COL4A2: variants seen among roughly 807,000 people sequenced by gnomAD.
COL4A2 encodes collagen type IV alpha 2 chain.
COL4A2 carries 99 observed loss-of-function variants against 200.2 expected under a neutral mutation model. The ratio of observed to expected loss-of-function variants is 0.49; its 90% CI spans 0.42 to 0.58. COL4A2 has a LOEUF of 0.58. COL4A2 is among the 20% of genes least tolerant of loss of function. COL4A2 has a pLI of 0.00. For missense variants in COL4A2, 1,950 were observed against 2,314.1 expected (o/e 0.84, Z 3.23); for synonymous variants, 897 against 900.6 (o/e 1.00, Z 0.07).
intron 3 of COL4A2, among the ~76,000 whole-genome samples, chr13:110,355,966 G>A (rs1877246219): frequency 6.6e-6 from 1 of 152,122 alleles, no homozygotes; most frequent in Non-Finnish European, 1.5e-5. Flanking sequence ...CCTGTCAGGG[G>A]AGAGGAGGCC....
At chr13:110,312,298 C>T (rs571903742) in intron 3 of COL4A2, among the ~76,000 whole-genome samples, 6 of 152,086 alleles carry the variant, frequency 3.9e-5, no homozygotes, top group African/African-American at 1.2e-4. Flanking sequence ...AAGGGTAAAC[C>T]GAAAAGCGCA....
intron 20 of COL4A2, among the ~76,000 whole-genome samples, chr13:110,451,998 T>A (rs1460890034): frequency 6.6e-6 from 1 of 152,246 alleles, no homozygotes; most frequent in Non-Finnish European, 1.5e-5. Flanking sequence ...TCCAAAGTAG[T>A]TTACTTTAAA....
intron 4 of COL4A2, among the ~76,000 whole-genome samples, chr13:110,365,148 T>C (rs1217579187): frequency 1.3e-5 from 2 of 149,230 alleles, no homozygotes; most frequent in Non-Finnish European, 3.0e-5. Flanking sequence ...TCTCTCTTGC[T>C]TTTTTTTTTC....
At chr13:110,460,001 G>A (rs1881960666) in intron 22 of COL4A2, among the ~76,000 whole-genome samples, 1 of 152,194 alleles carries the variant, frequency 6.6e-6, no homozygotes, top group Non-Finnish European at 1.5e-5. Flanking sequence ...GATTTTAGCT[G>A]ACCAAAGAGT....
chr13:110,345,244 G>A, intron 3 of COL4A2, among the ~76,000 whole-genome samples: 1 of 152,206 alleles, frequency 6.6e-6, no homozygotes, highest in Non-Finnish European at 1.5e-5. Flanking sequence ...CAAGTTCTTT[G>A]CGAGGATGGA....
At chr13:110,334,523 C>T (rs2139365014) in intron 3 of COL4A2, among the ~76,000 whole-genome samples, 1 of 152,366 alleles carries the variant, frequency 6.6e-6, no homozygotes, top group East Asian at 1.9e-4. Context: ...GAAGCGGCTT[C>T]CCTTCCCAAG....
intron 29 of COL4A2, among the ~76,000 whole-genome samples, chr13:110,475,290 G>A (rs1882667593): frequency 6.6e-6 from 1 of 152,230 alleles, no homozygotes; most frequent in African/African-American, 2.4e-5. Context: ...GCGCTGAGAG[G>A]TGGGGCTCTG....
Position 110,501,690 on chromosome 13 carries a change from C to T in COL4A2, c.3783C>T (p.Ser1261=), listed in dbSNP as rs1883648051. The T allele has an allele frequency of 1.2e-6, 2 of 1,613,902 alleles. No individual in the cohort carries two copies. Among genetic ancestry groups the T allele is most frequent in the Non-Finnish European group, 8.5e-7 (1 of 1,179,800 alleles). The part of the protein sequence containing the change: ...GAPGERGPPG[S]PGLQGFPGIT... Reference sequence around the variant, plus strand: ...AAGGGGAACGAGGCCCACCTGGGAGCCCAGGACTTCAGGGGTTCCCTGGTA... The same window carrying T: ...AAGGGGAACGAGGCCCACCTGGGAGTCCAGGACTTCAGGGGTTCCCTGGTA... The change falls in exon 41 of 48, where the codon AGC becomes AGT. Residue 1261 remains serine, a synonymous_variant. Coordinates refer to ENST00000360467, the MANE Select transcript of COL4A2 (RefSeq NM_001846.4).
At chr13:110,495,510 C>T in intron 40 of COL4A2, 43 bp downstream of exon 40, 1 of 1,596,562 alleles carries the variant, frequency 6.3e-7, no homozygotes, top group Non-Finnish European at 8.5e-7. Flanking sequence ...TCCCAGTAAC[C>T]AGAACCCACC....
In COL4A2 at chr13:110,436,296, G is replaced by A; in HGVS notation, c.754G>A (p.Gly252Arg). 2 of 1,613,758 alleles carry A rather than the reference G, an allele frequency of 1.2e-6. No homozygotes were observed. Among genetic ancestry groups the A allele is most frequent in the Non-Finnish European group, 1.7e-6 (2 of 1,179,976 alleles). Reference sequence around the variant, plus strand: ...TGACGTAGGGCAGCCGGGACCCAACGGGATTCCATCAGACACCCTCCACCC... The same window carrying A: ...TGACGTAGGGCAGCCGGGACCCAACAGGATTCCATCAGACACCCTCCACCC... ...KGDVGQPGPN[G>R]IPSDTLHPII... The change falls in exon 13 of 48, where the codon GGG becomes AGG. Residue 252 changes from glycine (G) to arginine (R), a missense_variant. By Grantham distance (125) the Gly-to-Arg change is moderately radical (BLOSUM62 -2). Transcript: ENST00000360467.
rs1249548043 is a variant in COL4A2, at chr13:110,501,646, TTTC to T, written c.3761-17_3761-15del. On this transcript the variant is annotated intron_variant, in intron 40 of 47. Coordinates refer to ENST00000360467, the MANE Select transcript of COL4A2 (RefSeq NM_001846.4). ...AGTTGGGTGCTAACGCTGAAAATAATTTCTTCTGTTTTCATCCTAAGGGGAACG... is the reference window on the plus strand; with the variant it reads ...AGTTGGGTGCTAACGCTGAAAATAATTTCTGTTTTCATCCTAAGGGGAACG... The T allele has an allele frequency of 1.3e-6, 2 of 1,589,232 alleles. No individual in the cohort carries two copies. The highest frequency in any genetic ancestry group is 3.3e-5 in the Admixed American group (2 of 59,984).
chr13:110,456,699 G>T, intron 20 of COL4A2: 1 of 466,972 alleles, frequency 2.1e-6, no homozygotes, highest in Non-Finnish European at 4.5e-6. Flanking sequence ...CCTGGGCTGG[G>T]TGGGACACCA....
intron 4 of COL4A2, among the ~76,000 whole-genome samples, chr13:110,382,131 A>G (rs146808196): frequency 8.9e-4 from 135 of 152,336 alleles, no homozygotes; most frequent in African/African-American, 3.1e-3. Context: ...ATTTCCATTC[A>G]TCGAATCATA....
At chr13:110,469,191 G>A in intron 27 of COL4A2, 26 bp from the exon 28 acceptor site, 1 of 1,563,370 alleles carries the variant, frequency 6.4e-7, no homozygotes, top group Non-Finnish European at 8.7e-7. Context: ...AGCCTGATGT[G>A]GTTTGTGGTT....
At chr13:110,452,249 T>C (rs775595093) in intron 20 of COL4A2, among the ~76,000 whole-genome samples, 125 of 152,368 alleles carry the variant, frequency 8.2e-4, no homozygotes, top group Non-Finnish European at 1.5e-3. Flanking sequence ...TTCTCCTGCC[T>C]CAGCCTCCCG....
chr13:110,440,553 G>A (rs900724508), intron 16 of COL4A2, among the ~76,000 whole-genome samples: 2 of 152,096 alleles, frequency 1.3e-5, no homozygotes, highest in African/African-American at 2.4e-5. Flanking sequence ...CCGAGATCGC[G>A]CCATTGCACT....
intron 4 of COL4A2, among the ~76,000 whole-genome samples, chr13:110,375,667 T>A (rs928069573): frequency 2.0e-5 from 3 of 152,136 alleles, no homozygotes; most frequent in African/African-American, 7.2e-5. Flanking sequence ...TCTTCTCGAC[T>A]GAAAATACAA....
intron 4 of COL4A2, among the ~76,000 whole-genome samples, chr13:110,362,530 A>T (rs1877564931): frequency 6.6e-6 from 1 of 151,354 alleles, no homozygotes. Flanking sequence ...CATATTGCCC[A>T]GTCTGGTCTT....
At chr13:110,378,475 C>T (rs896986748) in intron 4 of COL4A2, among the ~76,000 whole-genome samples, 25 of 152,236 alleles carry the variant, frequency 1.6e-4, no homozygotes, top group Non-Finnish European at 3.1e-4. Flanking sequence ...GAACCAGGCC[C>T]TTTCCTCCGG....
Sources: allele counts gnomAD v4.1 joint callset (sites outside exome capture counted in the v4.1 genomes callset), GRCh38; gene constraint gnomAD v4.1.1; transcripts MANE v1.5; gene names NCBI Gene and HGNC (gene_info 2026-07-23, HGNC 2026-07-21).